ZNF251: variants seen among roughly 807,000 people sequenced by gnomAD.
The protein encoded by ZNF251 is zinc finger protein 251.
A neutral mutation model predicts 13.5 loss-of-function variants in ZNF251; 14 were observed. The ratio of observed to expected loss-of-function variants is 1.04; its 90% confidence interval spans 0.69 to 1.63. The LOEUF (loss-of-function observed/expected upper bound fraction) is 1.63. Ranked by LOEUF, ZNF251 falls within the 40% of genes most tolerant of loss-of-function variation. ZNF251 has a pLI of 0.00. For synonymous variants in ZNF251, 287 were observed against 295.2 expected, an observed-to-expected ratio of 0.97 and a Z score of 0.28; for missense variants, 764 against 834.9, an observed-to-expected ratio of 0.92 and a Z score of 1.05.
intron 4 of ZNF251, among the ~76,000 whole-genome samples, chr8:144,740,531 G>A (rs1298794952): frequency 6.6e-6 from 1 of 151,900 alleles, no homozygotes; most frequent in Non-Finnish European, 1.5e-5. Flanking sequence ...AGCTACTTGG[G>A]AGGCTGAGGC....
intron 4 of ZNF251, among the ~76,000 whole-genome samples, chr8:144,723,952 T>A (rs937856131): frequency 2.6e-5 from 4 of 152,118 alleles, no homozygotes; most frequent in Admixed American, 6.5e-5. Context: ...ATGTAAAGAA[T>A]CTGGGCCAGG....
chr8:144,752,602 TTA>T (rs1824749269), intron 4 of ZNF251, among the ~76,000 whole-genome samples: 2 of 152,204 alleles, frequency 1.3e-5, no homozygotes, highest in African/African-American at 4.8e-5. Flanking sequence ...ACCAAATGCT[TTA>T]TTCAACCAAT....
chr8:144,733,832 GA>G (rs1488018773), intron 4 of ZNF251, among the ~76,000 whole-genome samples: 1 of 151,788 alleles, frequency 6.6e-6, no homozygotes, highest in African/African-American at 2.4e-5. Context: ...GAAACAAAAG[GA>G]AAAAAGAAAA....
rs570620809 is a variant in ZNF251, at chr8:144,728,389, C to T, written c.278-5007G>A. 1.5e-3 allele frequency among the ~76,000 whole-genome samples: 225 copies of T among 152,058 alleles called. 1 individual carries two copies. The highest frequency in any genetic ancestry group is 2.9e-3 in the Non-Finnish European group (196 of 68,004). On this transcript the variant is annotated intron_variant, in intron 4 of 4. Transcript: ENST00000292562. ...TATAAAAAAAAGGTTTGAGGCCAGG[C>T]GCAGTAGCTCATGCCTGCAATCCCA...
chr8:144,739,108 G>A (rs1052634983), intron 4 of ZNF251, among the ~76,000 whole-genome samples: 4 of 149,576 alleles, frequency 2.7e-5, no homozygotes, highest in Non-Finnish European at 4.5e-5. Flanking sequence ...GACCCTCCCT[G>A]CTGCTGACTC....
At chr8:144,753,205 G>A (rs116007640) in intron 4 of ZNF251, among the ~76,000 whole-genome samples, 3,861 of 147,100 alleles carry the variant, frequency 0.026, 173 homozygotes, top group African/African-American at 0.092. Flanking sequence ...AGCCTGGTAC[G>A]TGGAGGTTGC....
In ZNF251 at chr8:144,721,952, C is replaced by A. The variant is rs768462124; in HGVS notation, c.1708G>T (p.Glu570Ter). 1 of 1,522,002 alleles carries A rather than the reference C, an allele frequency of 6.6e-7. No individual in the cohort carries two copies. The highest frequency in any genetic ancestry group is 8.8e-7 in the Non-Finnish European group (1 of 1,134,562). The allele number at this position is 1,522,002 out of a possible 1,614,324, so 94.3% of individuals were successfully genotyped here. The change falls in exon 5 of 5, where the codon GAA becomes TAA. Residue 570 changes from glutamate to a stop codon, truncating the protein, a stop_gained. Transcript: ENST00000292562. LOFTEE classifies it low-confidence loss of function (END_TRUNC). ...HTGEKSFGCN[E>*]YGKAFSPTSR... Reference sequence around the variant, plus strand: ...GTGGGACTGAAAGCTTTTCCATATTCATTACATCCAAAGGATTTCTCACCA... The same window carrying A: ...GTGGGACTGAAAGCTTTTCCATATTAATTACATCCAAAGGATTTCTCACCA...
intron 4 of ZNF251, among the ~76,000 whole-genome samples, chr8:144,729,516 T>G (rs963708557): frequency 1.3e-5 from 2 of 151,762 alleles, no homozygotes; most frequent in Non-Finnish European, 2.9e-5. Flanking sequence ...TTTTGTATTT[T>G]TAGTAGAGAC....
chr8:144,736,546 C>A (rs1029270367), intron 4 of ZNF251, among the ~76,000 whole-genome samples: 12 of 151,684 alleles, frequency 7.9e-5, no homozygotes, highest in African/African-American at 2.9e-4. Context: ...GGCTAGAGTG[C>A]AATGGCATGA....
chr8:144,753,856 G>A, intron 3 of ZNF251, 60 bp from the exon 4 acceptor site: 1 of 1,305,946 alleles, frequency 7.7e-7, no homozygotes, highest in Non-Finnish European at 1.1e-6. Context: ...CAGGCCAGGT[G>A]TGGAGAGATG....
intron 4 of ZNF251, among the ~76,000 whole-genome samples, chr8:144,725,320 T>C (rs1823489399): frequency 6.6e-6 from 1 of 151,912 alleles, no homozygotes; most frequent in Non-Finnish European, 1.5e-5. Flanking sequence ...CGGCCTCTTT[T>C]TTTAAAAGAC....
At position 144,723,207 on chromosome 8, in the gene ZNF251, G is replaced by C; in HGVS notation, c.453C>G (p.Ala151=). 1 of 1,612,654 alleles carries C rather than the reference G, an allele frequency of 6.2e-7. No homozygotes were observed. Among genetic ancestry groups the C allele is most frequent in the Non-Finnish European group, 8.5e-7 (1 of 1,179,392 alleles). Residue 151 remains alanine (A), a synonymous_variant, in exon 5 of 5, where the codon GCC becomes GCG. Transcript: ENST00000292562. ...TATTGGGTTTGTTCAAACTCTGCCC[G>C]GCAGAATTTCCCACGCGCTCTTTGA... ...GKLKERVGNS[A]GQSLNKPNIH... is the part of the protein sequence containing the mutation.
At chr8:144,745,407 A>G (rs1048080219) in intron 4 of ZNF251, among the ~76,000 whole-genome samples, 4 of 152,104 alleles carry the variant, frequency 2.6e-5, no homozygotes, top group African/African-American at 9.7e-5. Flanking sequence ...GTGGCTTTAT[A>G]GTAAAAGTAC....
intron 4 of ZNF251, among the ~76,000 whole-genome samples, chr8:144,727,451 T>G (rs1480654720): frequency 6.6e-6 from 1 of 152,228 alleles, no homozygotes; most frequent in Admixed American, 6.5e-5. Flanking sequence ...ATCAATCATC[T>G]TAGCTAGGTC....
At chr8:144,732,687 T>C (rs1317438545) in intron 4 of ZNF251, among the ~76,000 whole-genome samples, 98 of 151,950 alleles carry the variant, frequency 6.4e-4, no homozygotes, top group South Asian at 1.3e-3. Context: ...TGGCAGGCAC[T>C]TATAGTCCCA....
intron 1 of ZNF251, 108 bp downstream of exon 1, chr8:144,755,297 C>A: frequency 4.8e-6 from 6 of 1,262,208 alleles, no homozygotes; most frequent in Non-Finnish European, 6.1e-6. Flanking sequence ...TCCCGCGGCA[C>A]CCAGAACAGG....
At chr8:144,741,899 C>CAG (rs1407879544) in intron 4 of ZNF251, among the ~76,000 whole-genome samples, 1 of 151,944 alleles carries the variant, frequency 6.6e-6, no homozygotes, top group Non-Finnish European at 1.5e-5. Context: ...CTCAGGAGAC[C>CAG]AGAGAGAGAA....
At chr8:144,742,626 A>G (rs1427877369) in intron 4 of ZNF251, among the ~76,000 whole-genome samples, 1 of 152,112 alleles carries the variant, frequency 6.6e-6, no homozygotes. Context: ...CCACCACTGC[A>G]GTACTGTACA....
chr8:144,749,875 C>CTTTTTTTTTT (rs796849869), intron 4 of ZNF251, among the ~76,000 whole-genome samples: 1 of 129,174 alleles, frequency 7.7e-6, no homozygotes, highest in Non-Finnish European at 1.6e-5. Context: ...TTTTTCTTTT[C>CTTTTTTTTTT]TTTTTTTTCT....
Sources: gnomAD v4.1 joint callset for allele counts (sites outside exome capture counted in the v4.1 genomes callset) on GRCh38, gnomAD v4.1.1 for gene constraint, MANE v1.5 for transcripts, NCBI Gene and HGNC (gene_info 2026-07-23, HGNC 2026-07-21) for gene names.